The following SETDB1 variants were observed in gnomAD, a reference collection of about 807,000 sequenced individuals.
The protein encoded by SETDB1 is histone-lysine N-methyltransferase SETDB1.
In SETDB1, 31 loss-of-function variants were observed where a neutral mutation model predicts 137.4. The observed-to-expected ratio is 0.23, with a 90% CI of 0.17 to 0.30. SETDB1 has a LOEUF of 0.30. Among genes scored for constraint, SETDB1 ranks in the 10% least tolerant of loss-of-function variants. SETDB1 has a pLI of 1.00. For synonymous variants in SETDB1, 548 were observed against 579.9 expected, an observed-to-expected ratio of 0.95 and a Z score of 0.79; for missense variants, 1,113 against 1,631.5, an observed-to-expected ratio of 0.68 and a Z score of 5.47.
chr1:150,927,621 AG>A, intron 1 of SETDB1, 82 bp from the exon 2 acceptor site: 1 of 1,201,534 alleles, frequency 8.3e-7, no homozygotes, highest in Non-Finnish European at 1.2e-6. Context: ...AGTAGGAATT[AG>A]TTTTATTAGG....
intron 3 of SETDB1, among the ~76,000 whole-genome samples, chr1:150,931,452 G>A (rs1481213149): frequency 1.3e-5 from 2 of 150,912 alleles, no homozygotes; most frequent in African/African-American, 4.9e-5. Context: ...GGGCGTGGCG[G>A]CGGACGCCTG....
chr1:150,947,528 T>C (rs145519145), intron 10 of SETDB1, among the ~76,000 whole-genome samples: 4 of 152,172 alleles, frequency 2.6e-5, no homozygotes, highest in Non-Finnish European at 5.9e-5. Context: ...CCCAACACTT[T>C]AGGAAGCTGA....
At chr1:150,958,110 C>T (rs928200777) in intron 14 of SETDB1, among the ~76,000 whole-genome samples, 2 of 148,972 alleles carry the variant, frequency 1.3e-5, no homozygotes, top group Admixed American at 6.7e-5. Flanking sequence ...CACTTGAACA[C>T]GGGAGGTGGA....
At position 150,949,517 on chromosome 1, in the gene SETDB1, G is replaced by T; in HGVS notation, c.1575G>T (p.Gln525His). 6.2e-7 allele frequency: 1 copy of T among 1,613,982 alleles called. No homozygotes were observed. Among genetic ancestry groups the T allele is most frequent in the Non-Finnish European group, 8.5e-7 (1 of 1,179,960 alleles). Residue 525 changes from glutamine to histidine, a missense_variant, in exon 12 of 22, where the codon CAG becomes CAT. Physicochemically the swap from Gln to His is conservative, Grantham distance 24 (BLOSUM62 0). Transcript: ENST00000692827. Reference protein sequence around the residue: ...NVSGGKPGINQTYRSPLGSTA... With the variant: ...NVSGGKPGINHTYRSPLGSTA... Reference sequence around the variant, plus strand: ...CTGGTGGGAAACCTGGGATCAACCAGACATATAGGTGAGAAAATCTGAGGC... The same window carrying T: ...CTGGTGGGAAACCTGGGATCAACCATACATATAGGTGAGAAAATCTGAGGC...
At chr1:150,936,147 TG>T (rs1669940031) in intron 3 of SETDB1, among the ~76,000 whole-genome samples, 1 of 140,226 alleles carries the variant, frequency 7.1e-6, no homozygotes, top group Non-Finnish European at 1.6e-5. Context: ...CCACCATGCC[TG>T]GCTAATTTTT....
At chr1:150,937,245 G>C (rs1302650838) in intron 3 of SETDB1, among the ~76,000 whole-genome samples, 1 of 151,818 alleles carries the variant, frequency 6.6e-6, no homozygotes, top group Non-Finnish European at 1.5e-5. Flanking sequence ...ATTATGCTAA[G>C]TGAAATAAGC....
intron 3 of SETDB1, among the ~76,000 whole-genome samples, chr1:150,936,241 G>A (rs879625009): frequency 4.6e-5 from 7 of 152,124 alleles, no homozygotes; most frequent in East Asian, 1.9e-4. Flanking sequence ...TGCCCGTCTC[G>A]GCCTCCCAAA....
At chr1:150,939,863 A>T in intron 3 of SETDB1, 77 bp from the exon 4 acceptor site, 1 of 1,004,306 alleles carries the variant, frequency 1.0e-6, no homozygotes, top group African/African-American at 1.6e-5. Context: ...AATGCTTTTG[A>T]GTAAGTTAGT....
chr1:150,958,461 A>T (rs1670723287), intron 14 of SETDB1, among the ~76,000 whole-genome samples: 1 of 151,902 alleles, frequency 6.6e-6, no homozygotes, highest in African/African-American at 2.4e-5. Context: ...TGTGTTAGCC[A>T]GGATGGTCTC....
Position 150,959,280 on chromosome 1 carries a change from G to C in SETDB1, c.2436G>C (p.Gln812His). ...TTCGGCTACAGCTATTCAAGACACAGAACAAGGGCTGGGGTATCCGCTGCT... is the reference window on the plus strand; with the variant it reads ...TTCGGCTACAGCTATTCAAGACACACAACAAGGGCTGGGGTATCCGCTGCT... ...LQVRLQLFKT[Q>H]NKGWGIRCLD... The change falls in exon 15 of 22, where the codon CAG becomes CAC. Residue 812 changes from glutamine (Q) to histidine (H), a missense_variant. By Grantham distance (24) the Gln-to-His change is conservative. Around this residue, in one of 11 missense-constraint regions of SETDB1, gnomAD observed 25 missense variants for 102.1 expected, o/e 0.24. Coordinates refer to ENST00000692827, the MANE Select transcript of SETDB1 (RefSeq NM_001366418.1). 1.2e-6 allele frequency: 2 copies of C among 1,610,278 alleles called. No individual in the cohort carries two copies. Among genetic ancestry groups the C allele is most frequent in the African/African-American group, 1.3e-5 (1 of 74,866 alleles).
In SETDB1 at chr1:150,947,001, G is replaced by A; in HGVS notation, c.1256G>A (p.Arg419His). Residue 419 changes from arginine to histidine, a missense_variant, in exon 10 of 22, where the codon CGT (arginine) becomes CAT (histidine). By Grantham distance (29) the Arg-to-His change is conservative. Around this residue, in one of 11 missense-constraint regions of SETDB1, gnomAD observed 154 missense variants for 303.1 expected, o/e 0.51. Coordinates refer to ENST00000692827, the MANE Select transcript of SETDB1 (RefSeq NM_001366418.1). Reference protein sequence around the residue: ...LEKKQGQLRTRPNMGAVRSKG... With the variant: ...LEKKQGQLRTHPNMGAVRSKG... ...AAGAAGCAAGGACAGCTCAGGACAC[G>A]TCCAAATATGGGTATGTCCTGAAAG... The A allele has an allele frequency of 1.2e-6, 2 of 1,614,046 alleles. No individual in the cohort carries two copies. The highest frequency in any genetic ancestry group is 1.7e-6 in the Non-Finnish European group (2 of 1,179,942).
rs1043616616 is a variant in SETDB1 at position 150,939,985 on chromosome 1, A to T, written c.447+11A>T. ...CCAAAAGACCAGAAGGTAAGTTAGG[A>T]TGGTAAGGGAAGGGTGAGAGATAAG... On this transcript the variant is annotated intron_variant, in intron 4 of 21. Coordinates refer to ENST00000692827, the MANE Select transcript of SETDB1 (RefSeq NM_001366418.1). 2 of 1,609,302 alleles carry T rather than the reference A, an allele frequency of 1.2e-6. No homozygotes were observed. Among genetic ancestry groups the T allele is most frequent in the Non-Finnish European group, 1.7e-6 (2 of 1,176,110 alleles).
At chr1:150,943,544 C>T (rs918122610) in intron 7 of SETDB1, among the ~76,000 whole-genome samples, 2 of 152,024 alleles carry the variant, frequency 1.3e-5, no homozygotes, top group African/African-American at 4.8e-5. Flanking sequence ...GGTGTGGTGG[C>T]GCATGCCTGT....
intron 3 of SETDB1, among the ~76,000 whole-genome samples, chr1:150,931,557 C>T (rs1184311047): frequency 3.4e-5 from 5 of 149,174 alleles, no homozygotes; most frequent in African/African-American, 1.2e-4. Flanking sequence ...TACATGTATA[C>T]ATATGTAACT....
chr1:150,954,346 A>G (rs1670584133), intron 14 of SETDB1, among the ~76,000 whole-genome samples: 1 of 152,144 alleles, frequency 6.6e-6, no homozygotes, highest in South Asian at 2.1e-4. Context: ...GAGGACAACA[A>G]AAGAGTGGGG....
At chr1:150,928,485 C>T (rs1443785089) in intron 2 of SETDB1, among the ~76,000 whole-genome samples, 1 of 152,186 alleles carries the variant, frequency 6.6e-6, no homozygotes, top group African/African-American at 2.4e-5. Context: ...TGCTTCATTT[C>T]CCTAGTAAGA....
At chr1:150,951,300 T>C in intron 13 of SETDB1, 65 bp from the exon 14 acceptor site, 3 of 1,235,104 alleles carry the variant, frequency 2.4e-6, no homozygotes, top group Non-Finnish European at 3.6e-6. Flanking sequence ...TGGGTACATG[T>C]GTATTGTGTT....
intron 5 of SETDB1, among the ~76,000 whole-genome samples, chr1:150,942,340 G>A (rs1179764234): frequency 2.0e-5 from 3 of 150,616 alleles, no homozygotes; most frequent in African/African-American, 7.3e-5. Context: ...CCAGCTACTC[G>A]GGAGGCTGAG....
Position 150,963,020 on chromosome 1 carries a change from G to T in SETDB1, c.3341G>T (p.Gly1114Val). The T allele has an allele frequency of 1.2e-6, 2 of 1,614,130 alleles. No homozygotes were observed. Among genetic ancestry groups the T allele is most frequent in the South Asian group, 2.2e-5 (2 of 91,086 alleles). ...AGCACAGAAAGTGAGGGGGAAAGTG[G>T]GACCAGCCGAAAGCCCACTGCTGGT... ...SSSTESEGES[G>V]TSRKPTAGQT... The change falls in exon 19 of 22, where the codon GGG becomes GTG. Residue 1114 changes from glycine (G) to valine (V), a missense_variant. By Grantham distance (109) the Gly-to-Val change is moderately radical (BLOSUM62 -3). Coordinates refer to ENST00000692827, the MANE Select transcript of SETDB1 (RefSeq NM_001366418.1).
Sources: gnomAD v4.1 joint callset for allele counts (sites outside exome capture counted in the v4.1 genomes callset) on GRCh38, gnomAD v4.1.1 for gene constraint, gnomAD v4.1.1 regional missense constraint, MANE v1.5 for transcripts, NCBI Gene and HGNC (gene_info 2026-07-23, HGNC 2026-07-21) for gene names.